PRPF39: variants seen among roughly 807,000 people sequenced by gnomAD.
PRPF39 encodes the protein pre-mRNA-processing factor 39.
In PRPF39, 27 loss-of-function variants were observed where a neutral mutation model predicts 82.1. The ratio of observed to expected loss-of-function variants is 0.33; its 90% CI spans 0.24 to 0.45. PRPF39 has a LOEUF of 0.45. Ranked by LOEUF, PRPF39 falls within the 20% of genes least tolerant of loss-of-function variation. The probability of loss-of-function intolerance (pLI) is 1.00; values close to 1 mark genes in which losing one functional copy is unlikely to be tolerated. For synonymous variants in PRPF39, 261 were observed against 256.4 expected (o/e 1.02, Z -0.17); for missense variants, 581 against 796.9 (o/e 0.73, Z 3.26).
intron 5 of PRPF39, among the ~76,000 whole-genome samples, chr14:45,107,210 T>C (rs1457568778): frequency 6.6e-6 from 1 of 152,220 alleles, no homozygotes; most frequent in Non-Finnish European, 1.5e-5. Flanking sequence ...TGCCCGTCCA[T>C]GCCTTCTCCA....
chr14:45,095,277 G>A lies in PRPF39; in HGVS notation c.38G>A (p.Ser13Asn), dbSNP rs140501445. The A allele has an allele frequency of 8.0e-4, 1,281 of 1,606,508 alleles. 9 individuals carry two copies. In the African/African-American group the frequency reaches 0.014, roughly 18 times the overall value. ...NSHMDEYRNSSNGSTGNSSEV... is the reference protein window; with the variant it reads ...NSHMDEYRNSNNGSTGNSSEV... The stretch of plus-strand genomic sequence containing the variant: ...CACATGGATGAATACAGAAATTCTA[G>A]TAATGGCAGCACAGGCAACAGTTCA... Residue 13 changes from serine to asparagine, a missense_variant, in exon 2 of 14, where the codon AGT (serine) becomes AAT (asparagine). By Grantham distance (46) the Ser-to-Asn change is conservative (BLOSUM62 1). Coordinates refer to ENST00000355765, the MANE Select transcript of PRPF39 (RefSeq NM_017922.4).
intron 3 of PRPF39, 67 bp downstream of exon 3, chr14:45,096,295 A>ATTTTTT: frequency 5.5e-5 from 71 of 1,289,424 alleles, no homozygotes; most frequent in South Asian, 3.6e-4. Flanking sequence ...CAAAACAAAG[A>ATTTTTT]TTTTTTTTTT....
At position 45,112,423 on chromosome 14, in the gene PRPF39, T is replaced by A. The variant is rs1385676179; in HGVS notation, c.1678T>A (p.Ser560Thr). The change falls in exon 11 of 14, where the codon TCA becomes ACA. Residue 560 changes from serine (S) to threonine (T), a missense_variant. By Grantham distance (58) the Ser-to-Thr change is moderately conservative. Coordinates refer to ENST00000355765, the MANE Select transcript of PRPF39 (RefSeq NM_017922.4). ...TTGTTTTGACAAAGCTGTACATGGT[T>A]CATTACCTATTAAAATGAGAATTAC... The part of the protein sequence containing the change: ...LNCFDKAVHG[S>T]LPIKMRITFS... 1 of 1,552,856 alleles carries A rather than the reference T, an allele frequency of 6.4e-7. No homozygotes were observed. Among genetic ancestry groups the A allele is most frequent in the Non-Finnish European group, 8.6e-7 (1 of 1,159,104 alleles).
chr14:45,099,059 T>C (rs1184782781), intron 4 of PRPF39, among the ~76,000 whole-genome samples: 1 of 152,222 alleles, frequency 6.6e-6, no homozygotes, highest in Non-Finnish European at 1.5e-5. Flanking sequence ...GCAGAATAGA[T>C]TCTCTTTCTA....
chr14:45,098,726 A>G (rs558142133), intron 4 of PRPF39, among the ~76,000 whole-genome samples: 8 of 152,220 alleles, frequency 5.3e-5, no homozygotes, highest in African/African-American at 1.4e-4. Flanking sequence ...CCTTCCTACT[A>G]TAATCTGGAC....
At chr14:45,086,843 TCA>T (rs1295934629) in intron 1 of PRPF39, among the ~76,000 whole-genome samples, 1 of 147,130 alleles carries the variant, frequency 6.8e-6, no homozygotes, top group Non-Finnish European at 1.5e-5. Flanking sequence ...GCAGTGTTTC[TCA>T]GTTTTTTTTT....
intron 1 of PRPF39, among the ~76,000 whole-genome samples, chr14:45,090,804 T>G: frequency 6.6e-6 from 1 of 152,150 alleles, no homozygotes; most frequent in East Asian, 1.9e-4. Flanking sequence ...AGTAAGGACC[T>G]TATCTTACAC....
In PRPF39 at chr14:45,114,450, AC is replaced by A. The variant is rs535724775; in HGVS notation, c.1833-42del. 1,435 of 1,520,552 alleles carry A rather than the reference AC, an allele frequency of 9.4e-4. 9 individuals carry two copies. In the African/African-American group the frequency reaches 0.016, roughly 17 times the overall value. 94.2% of individuals were successfully genotyped at this position (1,520,552 alleles called of 1,614,324 possible). On this transcript the variant is annotated intron_variant, in intron 12 of 13. Transcript: ENST00000355765. ...CATTCATCTATTCGTTAAAGTTCTTACCTGTGGGAGTTTTGAAAGTTTCCAT... is the reference window on the plus strand; with the variant it reads ...CATTCATCTATTCGTTAAAGTTCTTACTGTGGGAGTTTTGAAAGTTTCCAT...
chr14:45,087,477 C>T (rs1309377871), intron 1 of PRPF39, among the ~76,000 whole-genome samples: 3 of 151,854 alleles, frequency 2.0e-5, no homozygotes, highest in African/African-American at 2.4e-5. Context: ...ATTTTTATAC[C>T]GAGGTATGTT....
At chr14:45,105,120 T>C (rs1422531218) in intron 5 of PRPF39, among the ~76,000 whole-genome samples, 1 of 152,238 alleles carries the variant, frequency 6.6e-6, no homozygotes, top group Non-Finnish European at 1.5e-5. Context: ...GAGCTCAATA[T>C]ATATTAGGCA....
Position 45,104,902 on chromosome 14 carries a change from C to T in PRPF39, c.737+2206C>T, listed in dbSNP as rs554140930. On this transcript the variant is annotated intron_variant, in intron 5 of 13. Coordinates refer to ENST00000355765, the MANE Select transcript of PRPF39 (RefSeq NM_017922.4). The stretch of plus-strand genomic sequence containing the variant: ...CTAGTGGACTTATATTCCCTGAGAC[C>T]ACACAGTTTTGTGTCTTCTCTGTGA... Among the ~76,000 whole-genome samples the T allele has an allele frequency of 2.4e-4, 36 of 152,222 alleles. No homozygotes were observed. In the South Asian group the frequency reaches 7.3e-3, roughly 31 times the overall value.
intron 5 of PRPF39, among the ~76,000 whole-genome samples, chr14:45,103,365 CTG>C (rs1361938315): frequency 1.3e-5 from 2 of 152,000 alleles, no homozygotes; most frequent in African/African-American, 4.8e-5. Flanking sequence ...AGTATGAGGA[CTG>C]TGTCTTTGCT....
chr14:45,107,390 A>G, intron 5 of PRPF39, 61 bp from the exon 6 acceptor site: 2 of 1,274,210 alleles, frequency 1.6e-6, no homozygotes, highest in Non-Finnish European at 2.2e-6. Context: ...TATAGTAGGA[A>G]TCTCAATATG....
rs761429854 is a variant in PRPF39, at chr14:45,112,416, A to T, written c.1671A>T (p.Val557=). The T allele has an allele frequency of 6.4e-7, 1 of 1,573,344 alleles. No homozygotes were observed. Among genetic ancestry groups the T allele is most frequent in the Non-Finnish European group, 8.6e-7 (1 of 1,168,154 alleles). The change falls in exon 11 of 14, where the codon GTA becomes GTT. Residue 557 remains valine (V), a synonymous_variant. Coordinates refer to ENST00000355765, the MANE Select transcript of PRPF39 (RefSeq NM_017922.4). ...TCCTAAATTGTTTTGACAAAGCTGT[A>T]CATGGTTCATTACCTATTAAAATGA... ...ENILNCFDKA[V]HGSLPIKMRI...
chr14:45,088,680 C>T (rs1164173035), intron 1 of PRPF39, among the ~76,000 whole-genome samples: 1 of 152,096 alleles, frequency 6.6e-6, no homozygotes, highest in Non-Finnish European at 1.5e-5. Context: ...AATATTTGCT[C>T]AATAAATAGC....
Position 45,102,540 on chromosome 14 carries a change from A to G in PRPF39, c.581A>G (p.His194Arg). 1.3e-6 allele frequency: 2 copies of G among 1,598,472 alleles called. No individual in the cohort carries two copies. Among genetic ancestry groups the G allele is most frequent in the Non-Finnish European group, 1.7e-6 (2 of 1,175,216 alleles). ...ATTTAATTTTTCAGAACTTTTGAGC[A>G]TGCTGTTCTAGCTGCAGGAACAGAT... ...TNNTIRGTFE[H>R]AVLAAGTDFR... Residue 194 changes from histidine (H) to arginine (R), a missense_variant, in exon 5 of 14, where the codon CAT becomes CGT. By Grantham distance (29) the His-to-Arg change is conservative (BLOSUM62 0). Coordinates refer to ENST00000355765, the MANE Select transcript of PRPF39 (RefSeq NM_017922.4).
intron 5 of PRPF39, among the ~76,000 whole-genome samples, chr14:45,105,206 G>A (rs908943270): frequency 1.3e-5 from 2 of 152,024 alleles, no homozygotes; most frequent in African/African-American, 4.8e-5. Context: ...TTAATATTAT[G>A]CACATTTTGT....
chr14:45,113,531 T>C (rs1884754875), intron 11 of PRPF39, among the ~76,000 whole-genome samples: 1 of 152,200 alleles, frequency 6.6e-6, no homozygotes, highest in Admixed American at 6.5e-5. Flanking sequence ...ATTTAGTGTC[T>C]TATGTTTACA....
intron 13 of PRPF39, 89 bp downstream of exon 13, chr14:45,114,703 C>G: frequency 6.8e-7 from 1 of 1,467,952 alleles, no homozygotes; most frequent in East Asian, 2.3e-5. Context: ...AGTTTTTGTT[C>G]CAATTGTGTA....
Sources: allele counts gnomAD v4.1 joint callset (sites outside exome capture counted in the v4.1 genomes callset), GRCh38; gene constraint gnomAD v4.1.1; transcripts MANE v1.5; gene names NCBI Gene and HGNC (gene_info 2026-07-23, HGNC 2026-07-21).